The following CFHR5 variants were observed in gnomAD, a reference collection of about 807,000 sequenced individuals.
CFHR5 encodes the protein complement factor H-related protein 5.
CFHR5 carries 73 observed loss-of-function variants against 62.9 expected under a neutral mutation model. The ratio of observed to expected loss-of-function variants is 1.16; its 90% CI spans 0.96 to 1.41. CFHR5 has a LOEUF of 1.41. Ranked by LOEUF, CFHR5 falls within the 40% of genes most tolerant of loss-of-function variation. The pLI, the probability that CFHR5 is intolerant of heterozygous loss-of-function variation, is 0.00. For synonymous variants in CFHR5, 249 were observed against 227.2 expected, an observed-to-expected ratio of 1.10 and a Z score of -0.86; for missense variants, 779 against 679.9, an observed-to-expected ratio of 1.15 and a Z score of -1.62.
At chr1:196,984,244 ATTAT>A in intron 3 of CFHR5, 107 bp downstream of exon 3, 2 of 979,712 alleles carry the variant, frequency 2.0e-6, no homozygotes, top group Non-Finnish European at 3.1e-6. Flanking sequence ...TACTTCTATC[ATTAT>A]TTATTTGATT....
At chr1:196,993,258 C>A (rs1311423471) in intron 3 of CFHR5, among the ~76,000 whole-genome samples, 1 of 152,128 alleles carries the variant, frequency 6.6e-6, no homozygotes, top group Non-Finnish European at 1.5e-5. Context: ...TTCCCTTCAA[C>A]TTAACATTTA....
At chr1:196,988,772 A>G (rs1571516596) in intron 3 of CFHR5, among the ~76,000 whole-genome samples, 1 of 152,274 alleles carries the variant, frequency 6.6e-6, no homozygotes, top group South Asian at 2.1e-4. Flanking sequence ...TTGGTTTGCC[A>G]GTATTTTATT....
intron 1 of CFHR5, among the ~76,000 whole-genome samples, chr1:196,979,866 AAATT>A (rs1198397582): frequency 6.6e-6 from 1 of 152,140 alleles, no homozygotes; most frequent in Non-Finnish European, 1.5e-5. Flanking sequence ...CTTCAATAAT[AAATT>A]AATTTATGAT....
At chr1:197,000,904 A>G (rs1654135825) in intron 7 of CFHR5, among the ~76,000 whole-genome samples, 1 of 152,212 alleles carries the variant, frequency 6.6e-6, no homozygotes, top group African/African-American at 2.4e-5. Context: ...AATAAATAAT[A>G]TTGAAAACTG....
intron 9 of CFHR5, among the ~76,000 whole-genome samples, chr1:197,005,976 A>G (rs1480145020): frequency 6.6e-6 from 1 of 152,118 alleles, no homozygotes; most frequent in African/African-American, 2.4e-5. Context: ...CATCTGAACA[A>G]TTTTGCTAGA....
chr1:197,005,095 G>A (rs116298615), intron 9 of CFHR5, among the ~76,000 whole-genome samples: 2,050 of 152,182 alleles, frequency 0.013, 43 homozygotes, highest in African/African-American at 0.045. Flanking sequence ...GTAGAGTCCA[G>A]AGCTATTTAT....
intron 1 of CFHR5, among the ~76,000 whole-genome samples, chr1:196,978,041 C>T (rs1382527766): frequency 6.6e-6 from 1 of 152,092 alleles, no homozygotes; most frequent in Non-Finnish European, 1.5e-5. Flanking sequence ...TCTGCATAAA[C>T]TCTGCAATGC....
chr1:196,979,332 T>C (rs957078182), intron 1 of CFHR5, among the ~76,000 whole-genome samples: 1 of 151,764 alleles, frequency 6.6e-6, no homozygotes. Context: ...CTGAGAAGTG[T>C]GTCTATAGGC....
In CFHR5 at chr1:196,996,277, G is replaced by T. The variant is rs923975684; in HGVS notation, c.970+76G>T. Reference sequence around the variant, plus strand: ...GGATTGTATAAAGTGTATAAATCTGGCTAGAATTACAATTTTATTGATACT... The same window carrying T: ...GGATTGTATAAAGTGTATAAATCTGTCTAGAATTACAATTTTATTGATACT... On this transcript the variant is annotated intron_variant, in intron 6 of 9. Coordinates refer to ENST00000256785, the MANE Select transcript of CFHR5 (RefSeq NM_030787.4). 20 of 1,201,344 alleles carry T rather than the reference G, an allele frequency of 1.7e-5. No individual in the cohort carries two copies. In the African/African-American group the frequency reaches 2.6e-4, roughly 15 times the overall value. 74.4% of individuals were successfully genotyped at this position (1,201,344 alleles called of 1,614,324 possible). A position where few individuals can be genotyped will look rare whatever the true frequency, so the allele number is the denominator to read the frequency against.
In CFHR5 at chr1:197,004,801, A is replaced by G. The variant is rs775784945; in HGVS notation, c.1471A>G (p.Thr491Ala). Residue 491 changes from threonine to alanine, a missense_variant, in exon 9 of 10, where the codon ACA (threonine) becomes GCA (alanine). Thr to Ala is a moderately conservative substitution (Grantham distance 58). Transcript: ENST00000256785. Reference protein sequence around the residue: ...FYKLQGSVTVTCRNKQWSEPP... With the variant: ...FYKLQGSVTVACRNKQWSEPP... ...TAAACTCCAGGGCTCTGTAACTGTA[A>G]CATGCAGAAATAAACAGTGGTCAGA... 6.8e-6 allele frequency: 11 copies of G among 1,613,858 alleles called. No homozygotes were observed. The highest frequency in any genetic ancestry group is 9.3e-6 in the Non-Finnish European group (11 of 1,179,818).
rs187717310 is a variant in CFHR5, at chr1:196,978,227, T to C, written c.58+505T>C. Reference sequence around the variant, plus strand: ...TATTTTAATGAAACAATAGAAAATATTATTTTTATATATAAACCAGTGAAC... The same window carrying C: ...TATTTTAATGAAACAATAGAAAATACTATTTTTATATATAAACCAGTGAAC... On this transcript the variant is annotated intron_variant, in intron 1 of 9. Transcript: ENST00000256785. Among the ~76,000 whole-genome samples the C allele has an allele frequency of 4.9e-3, 750 of 152,286 alleles. 5 individuals carry two copies. Among genetic ancestry groups the C allele is most frequent in the African/African-American group, 0.017 (726 of 41,580 alleles).
At chr1:196,988,355 C>A (rs573207417) in intron 3 of CFHR5, among the ~76,000 whole-genome samples, 1 of 152,086 alleles carries the variant, frequency 6.6e-6, no homozygotes, top group Admixed American at 6.5e-5. Flanking sequence ...ATTGAATACC[C>A]TTGATTTCTT....
At chr1:196,977,554 T>C, upstream of CFHR5, 1 of 898,338 alleles carries the variant, frequency 1.1e-6, no homozygotes, top group South Asian at 1.3e-5. Context: ...TAGCTTCCCC[T>C]TAGTACATTG....
chr1:196,989,513 A>T (rs1653784386), intron 3 of CFHR5, among the ~76,000 whole-genome samples: 1 of 152,128 alleles, frequency 6.6e-6, no homozygotes, highest in Non-Finnish European at 1.5e-5. Context: ...ATTTAGTACT[A>T]TAAATTTCCC....
At chr1:196,986,521 C>G (rs1653686642) in intron 3 of CFHR5, among the ~76,000 whole-genome samples, 1 of 152,048 alleles carries the variant, frequency 6.6e-6, no homozygotes, top group Non-Finnish European at 1.5e-5. Context: ...CCTCCCCTAC[C>G]TCCCACCCTA....
In CFHR5 at chr1:196,995,910, A is replaced by G; in HGVS notation, c.790+11A>G. Reference sequence around the variant, plus strand: ...TACCCACTTGTGTTGGTAAATAAATATTAACATTTAAACAGGACAGTTACT... The same window carrying G: ...TACCCACTTGTGTTGGTAAATAAATGTTAACATTTAAACAGGACAGTTACT... On this transcript the variant is annotated intron_variant, in intron 5 of 9. Transcript: ENST00000256785. 6.2e-7 allele frequency: 1 copy of G among 1,608,918 alleles called. No individual in the cohort carries two copies. Among genetic ancestry groups the G allele is most frequent in the Non-Finnish European group, 8.5e-7 (1 of 1,175,494 alleles).
chr1:196,992,401 G>A lies in CFHR5; in HGVS notation c.431-1679G>A, dbSNP rs192783344. Among the ~76,000 whole-genome samples, 286 of 152,212 alleles carry A rather than the reference G, an allele frequency of 1.9e-3. 1 individual carries two copies. Among genetic ancestry groups the A allele is most frequent in the African/African-American group, 6.7e-3 (277 of 41,514 alleles). ...CTGGAAAAGTGCAGTATTTGTGTGT[G>A]AGTGTCCCGATTTTCCAGGTACAGT... On this transcript the variant is annotated intron_variant, in intron 3 of 9. Transcript: ENST00000256785.
At chr1:196,976,843 C>T (rs1571507601), upstream of CFHR5, among the ~76,000 whole-genome samples, 3 of 126,618 alleles carry the variant, frequency 2.4e-5, no homozygotes, top group African/African-American at 9.5e-5. Context: ...CTCGCTCTGT[C>T]GCCCAGGCTG....
intron 3 of CFHR5, among the ~76,000 whole-genome samples, chr1:196,990,733 G>T (rs975803885): frequency 1.3e-5 from 2 of 152,156 alleles, no homozygotes; most frequent in African/African-American, 4.8e-5. Context: ...TTTCTGCCGA[G>T]AGATCCACTA....
Sources: allele counts gnomAD v4.1 joint callset (sites outside exome capture counted in the v4.1 genomes callset), GRCh38; gene constraint gnomAD v4.1.1; transcripts MANE v1.5; gene names NCBI Gene and HGNC (gene_info 2026-07-23, HGNC 2026-07-21).